The following ACLY variants were observed in gnomAD, a reference collection of about 807,000 sequenced individuals.
The protein encoded by ACLY is ATP-citrate synthase.
ACLY carries 41 observed loss-of-function variants against 133.0 expected under a neutral mutation model. The observed-to-expected ratio is 0.31, with a 90% CI of 0.24 to 0.40. The LOEUF (loss-of-function observed/expected upper bound fraction) is 0.40, where lower values mean the gene tolerates loss of function less well. ACLY is among the 10% of genes least tolerant of loss of function. The pLI is 1.00. For missense variants in ACLY, 1,046 were observed against 1,453.8 expected, an observed-to-expected ratio of 0.72 and a Z score of 4.56; for synonymous variants, 495 against 549.3, an observed-to-expected ratio of 0.90 and a Z score of 1.38.
At chr17:41,919,625 C>G (rs1253744024), upstream of ACLY, among the ~76,000 whole-genome samples, 3 of 152,220 alleles carry the variant, frequency 2.0e-5, no homozygotes, top group Non-Finnish European at 4.4e-5. Flanking sequence ...ACAGCGCTGT[C>G]CGTCCCACTC....
In ACLY at chr17:41,878,157, T is replaced by C; in HGVS notation, c.2433A>G (p.Val811=). Residue 811 remains valine, a synonymous_variant, in exon 22 of 29, where the codon GTA becomes GTG. Coordinates refer to ENST00000352035, the MANE Select transcript of ACLY (RefSeq NM_001096.3). ...TTGGGGGCGGCACCTCCTGGGCAGG[T>C]ACAATGACTCCATTGGCCACGAGAT... is the stretch of plus-strand genomic sequence containing the variant. The part of the protein sequence containing the change: ...YEDLVANGVI[V]PAQEVPPPTV... The C allele has an allele frequency of 6.3e-7, 1 of 1,596,482 alleles. No homozygotes were observed. The highest frequency in any genetic ancestry group is 8.5e-7 in the Non-Finnish European group (1 of 1,171,640).
intron 20 of ACLY, 84 bp from the exon 21 acceptor site, chr17:41,879,008 C>T (rs1311889220): frequency 2.8e-5 from 43 of 1,541,358 alleles, no homozygotes; most frequent in Non-Finnish European, 3.7e-5. Flanking sequence ...AAACACTTTA[C>T]ATGAATCACT....
chr17:41,904,696 C>G (rs1555632251), intron 10 of ACLY, 33 bp downstream of exon 10: 9 of 1,606,958 alleles, frequency 5.6e-6, no homozygotes, highest in Non-Finnish European at 7.7e-6. Context: ...AAACCACTTT[C>G]CCCAGAAACT....
At position 41,884,189 on chromosome 17, in the gene ACLY, T is replaced by G. The variant is rs782175057; in HGVS notation, c.2154+4A>C. ...TCATAATTTTTTTTTTTAAAGTAAC[T>G]CACCTCTCCAAGAACCACAATCATT... On this transcript the variant is annotated splice_donor_region_variant and intron_variant, in intron 19 of 28. Coordinates refer to ENST00000352035, the MANE Select transcript of ACLY (RefSeq NM_001096.3). 1.3e-6 allele frequency: 2 copies of G among 1,565,334 alleles called. No individual in the cohort carries two copies. The highest frequency in any genetic ancestry group is 2.7e-5 in the African/African-American group (2 of 73,888).
chr17:41,867,781 A>G lies in ACLY; in HGVS notation c.*29T>C. On this transcript the variant is annotated 3_prime_UTR_variant, in exon 29 of 29. Transcript: ENST00000352035. ...TCTTGGGGGAAGAGATCTTGTCTTC[A>G]GTTTACTGCAGTAGGGTTCCTGGCT... 3 of 1,550,238 alleles carry G rather than the reference A, an allele frequency of 1.9e-6. No homozygotes were observed. The highest frequency in any genetic ancestry group is 2.6e-6 in the Non-Finnish European group (3 of 1,133,348).
intron 27 of ACLY, 75 bp from the exon 28 acceptor site, chr17:41,868,860 G>C: frequency 6.7e-7 from 1 of 1,496,632 alleles, no homozygotes; most frequent in Non-Finnish European, 9.3e-7. Flanking sequence ...TACTACTACT[G>C]CCCAAGAATG....
chr17:41,898,572 T>A, intron 12 of ACLY, 59 bp downstream of exon 12: 7 of 1,586,996 alleles, frequency 4.4e-6, no homozygotes, highest in South Asian at 1.1e-5. Flanking sequence ...GAAGACTGTA[T>A]CCTAGTGGAA....
chr17:41,895,047 A>G (rs1390049317), intron 14 of ACLY, among the ~76,000 whole-genome samples: 7 of 152,172 alleles, frequency 4.6e-5, no homozygotes, highest in African/African-American at 1.7e-4. Flanking sequence ...CTGCTGAGAC[A>G]TGAGATCACA....
chr17:41,873,818 G>A lies in ACLY; in HGVS notation c.2635C>T (p.Gln879Ter). The change falls in exon 23 of 29, where the codon CAG (glutamine) becomes TAG (stop). Residue 879 changes from glutamine (Q) to a stop codon, truncating the protein, a stop_gained. Transcript: ENST00000352035. LOFTEE classifies it high-confidence loss of function. ...TCTGCCCTCCATGCTCACCTTTTCT[G>A]GAACCAGAGGAGGCCGAGGACCCCG... Reference protein sequence around the residue: ...IGGVLGLLWFQKRLPKYSCQF... With the variant: ...IGGVLGLLWF 1 of 1,564,690 alleles carries A rather than the reference G, an allele frequency of 6.4e-7. No individual in the cohort carries two copies. Among genetic ancestry groups the A allele is most frequent in the Non-Finnish European group, 8.7e-7 (1 of 1,149,822 alleles).
intron 1 of ACLY, among the ~76,000 whole-genome samples, chr17:41,916,943 G>C (rs2050067073): frequency 6.6e-6 from 1 of 151,606 alleles, no homozygotes; most frequent in Non-Finnish European, 1.5e-5. Flanking sequence ...AGGAGTTTGA[G>C]ACCAGCCTGG....
At chr17:41,875,576 C>G (rs563589839) in intron 22 of ACLY, among the ~76,000 whole-genome samples, 27 of 152,244 alleles carry the variant, frequency 1.8e-4, no homozygotes, top group African/African-American at 5.8e-4. Context: ...CGAGTGCCTG[C>G]GATTGCAGGC....
In ACLY at chr17:41,867,835, A is replaced by C; in HGVS notation, c.3281T>G (p.Val1094Gly). ...YRHPWDDISY[V>G]LPEHMSM is the part of the protein sequence containing the mutation. Reference sequence around the variant, plus strand: ...TTACATGCTCATGTGTTCCGGAAGAACATATGAAATATCATCCCACGGATG... The same window carrying C: ...TTACATGCTCATGTGTTCCGGAAGACCATATGAAATATCATCCCACGGATG... Residue 1094 changes from valine (V) to glycine (G), a missense_variant, in exon 29 of 29, where the codon GTT becomes GGT. Around this residue, in one of 4 missense-constraint regions of ACLY, gnomAD observed 205 missense variants for 373.3 expected, o/e 0.55. Coordinates refer to ENST00000352035, the MANE Select transcript of ACLY (RefSeq NM_001096.3). 1 of 1,611,674 alleles carries C rather than the reference A, an allele frequency of 6.2e-7. No individual in the cohort carries two copies. The highest frequency in any genetic ancestry group is 8.5e-7 in the Non-Finnish European group (1 of 1,178,836).
chr17:41,906,562 T>C lies in ACLY; in HGVS notation c.832A>G (p.Met278Val), dbSNP rs782069282. ...LLNPKGRIWTMVAGGGASVVY... is the reference protein window; with the variant it reads ...LLNPKGRIWTVVAGGGASVVY... ...ACAGAGGCGCCACCCCCGGCCACCA[T>C]GGTCCAGATCCTCCCTTTGGGGTTC... is the stretch of plus-strand genomic sequence containing the variant. Residue 278 changes from methionine (M) to valine (V), a missense_variant, in exon 8 of 29, where the codon ATG (methionine) becomes GTG (valine). Physicochemically the swap from Met to Val is conservative, Grantham distance 21. Transcript: ENST00000352035. 7.3e-5 allele frequency: 118 copies of C among 1,614,156 alleles called. 1 individual carries two copies. In the Middle Eastern group the frequency reaches 1.6e-3, roughly 23 times the overall value.
intron 20 of ACLY, among the ~76,000 whole-genome samples, chr17:41,879,343 T>A (rs1229930806): frequency 1.3e-5 from 2 of 151,028 alleles, no homozygotes; most frequent in Non-Finnish European, 2.9e-5. Context: ...TAACCTCAGG[T>A]GATCCACCAG....
At chr17:41,917,937 G>C (rs1291375042) in intron 1 of ACLY, among the ~76,000 whole-genome samples, 9 of 152,208 alleles carry the variant, frequency 5.9e-5, no homozygotes, top group African/African-American at 1.9e-4. Flanking sequence ...GGAAAGTTAA[G>C]GGTGGAGAGG....
At chr17:41,924,700 C>G (rs1483795445) in intron 1 of ACLY, among the ~76,000 whole-genome samples, 1 of 152,182 alleles carries the variant, frequency 6.6e-6, no homozygotes, top group Non-Finnish European at 1.5e-5. Flanking sequence ...CTCTCTAACC[C>G]GACAGAGGCT....
intron 3 of ACLY, 81 bp from the exon 4 acceptor site, chr17:41,910,365 T>C (rs1555633460): frequency 7.7e-7 from 1 of 1,301,266 alleles, no homozygotes; most frequent in Admixed American, 2.0e-5. Context: ...TGCACAGGGG[T>C]GGTGCCCAAG....
chr17:41,921,487 A>C (rs1180520064), upstream of ACLY, among the ~76,000 whole-genome samples: 4 of 150,386 alleles, frequency 2.7e-5, no homozygotes, highest in East Asian at 2.0e-4. Flanking sequence ...CAGAAAAAAA[A>C]AAAAAAAACA....
At chr17:41,891,661 G>A (rs1373155898) in intron 16 of ACLY, among the ~76,000 whole-genome samples, 7 of 151,982 alleles carry the variant, frequency 4.6e-5, no homozygotes, top group Non-Finnish European at 8.8e-5. Context: ...GGAATAACAG[G>A]CATAAGCCAC....
Sources: allele counts gnomAD v4.1 joint callset (sites outside exome capture counted in the v4.1 genomes callset), GRCh38; gene constraint gnomAD v4.1.1; regional missense constraint gnomAD v4.1.1; transcripts MANE v1.5; gene names NCBI Gene and HGNC (gene_info 2026-07-23, HGNC 2026-07-21).